The following IGSF21 variants were observed in gnomAD, a reference collection of about 807,000 sequenced individuals.
IGSF21 encodes the protein immunoglobin superfamily member 21.
A neutral mutation model predicts 46.8 loss-of-function variants in IGSF21; 28 were observed. The observed-to-expected ratio is 0.60, with a 90% CI of 0.44 to 0.82. The LOEUF is 0.82. IGSF21 is among the 40% of genes least tolerant of loss of function. The pLI is 0.00. For missense variants in IGSF21, 624 were observed against 665.5 expected (o/e 0.94, Z 0.69); for synonymous variants, 284 against 273.6 (o/e 1.04, Z -0.38).
rs567380933 is a variant in IGSF21 at position 18,262,355 on chromosome 1, C to T, written c.184-29511C>T. Among the ~76,000 whole-genome samples, 526 of 152,240 alleles carry T rather than the reference C, an allele frequency of 3.5e-3. 1 individual carries two copies. Among genetic ancestry groups the T allele is most frequent in the Non-Finnish European group, 5.7e-3 (386 of 68,008 alleles). On this transcript the variant is annotated intron_variant, in intron 2 of 9. Transcript: ENST00000251296. ...ATGGCAGCAAGTGGACACGTGAGGACGGATGGGATGAACACTGTGGCATCT... is the reference window on the plus strand; with the variant it reads ...ATGGCAGCAAGTGGACACGTGAGGATGGATGGGATGAACACTGTGGCATCT...
chr1:18,231,214 A>T (rs1377767888), intron 2 of IGSF21, among the ~76,000 whole-genome samples: 1 of 152,200 alleles, frequency 6.6e-6, no homozygotes, highest in Non-Finnish European at 1.5e-5. Context: ...CTGGTCCTAA[A>T]TACATTATCT....
intron 4 of IGSF21, among the ~76,000 whole-genome samples, chr1:18,350,552 G>A (rs1246942185): frequency 6.6e-6 from 1 of 152,174 alleles, no homozygotes. Context: ...GAACCTGAGT[G>A]ATGGGTGCAT....
intron 1 of IGSF21, among the ~76,000 whole-genome samples, chr1:18,133,499 T>A (rs1302749097): frequency 1.3e-5 from 2 of 152,250 alleles, no homozygotes; most frequent in Non-Finnish European, 2.9e-5. Flanking sequence ...TTCATGGCAT[T>A]GTCCAGTGGG....
intron 2 of IGSF21, among the ~76,000 whole-genome samples, chr1:18,247,093 C>A (rs530000715): frequency 6.7e-6 from 1 of 149,788 alleles, no homozygotes; most frequent in Non-Finnish European, 1.5e-5. Context: ...CTCTGTCGCC[C>A]AGGCTGGAGT....
At chr1:18,314,287 T>G (rs57519565) in intron 3 of IGSF21, among the ~76,000 whole-genome samples, 37,549 of 127,314 alleles carry the variant, frequency 0.29, 5,018 homozygotes, top group African/African-American at 0.34. Context: ...GCCCAGTGGT[T>G]TTTTTTTTTT....
At chr1:18,241,455 A>G (rs919191975) in intron 2 of IGSF21, among the ~76,000 whole-genome samples, 4 of 152,200 alleles carry the variant, frequency 2.6e-5, no homozygotes, top group African/African-American at 4.8e-5. Context: ...AGGTTAAGCA[A>G]CTTGCTCAAA....
At position 18,108,090 on chromosome 1, in the gene IGSF21, C is replaced by A. The variant is rs751554607; in HGVS notation, c.-39C>A. 6.9e-5 allele frequency: 74 copies of A among 1,072,982 alleles called. No individual in the cohort carries two copies. The African/African-American group carries it at 7.7e-4, about 11-fold the overall frequency. The allele number at this position is 1,072,982 out of a possible 1,614,324, so 66.5% of individuals were successfully genotyped here. A position where few individuals can be genotyped will look rare whatever the true frequency, so the allele number is the denominator to read the frequency against. On this transcript the variant is annotated 5_prime_UTR_variant, in exon 1 of 10. Coordinates refer to ENST00000251296, the MANE Select transcript of IGSF21 (RefSeq NM_032880.5). ...AGGGGACCCGCCGCCACCGCCTCCA[C>A]CCCCGCCGCCCCGCCACCGCCGCCA...
chr1:18,172,729 A>T (rs2086751295), intron 1 of IGSF21, among the ~76,000 whole-genome samples: 1 of 152,242 alleles, frequency 6.6e-6, no homozygotes, highest in South Asian at 2.1e-4. Flanking sequence ...GGGCTTCAAC[A>T]TATGAACTTG....
intron 1 of IGSF21, among the ~76,000 whole-genome samples, chr1:18,153,714 G>A (rs1182400176): frequency 1.3e-5 from 2 of 151,902 alleles, no homozygotes; most frequent in Non-Finnish European, 2.9e-5. Flanking sequence ...AGCTAGGGAT[G>A]GCAGAGGTGG....
At chr1:18,159,960 C>T (rs975575495) in intron 1 of IGSF21, among the ~76,000 whole-genome samples, 6 of 152,150 alleles carry the variant, frequency 3.9e-5, no homozygotes, top group African/African-American at 9.7e-5. Flanking sequence ...GGATTACAGG[C>T]GTGAGCCACC....
intron 1 of IGSF21, among the ~76,000 whole-genome samples, chr1:18,170,189 C>A (rs1424341265): frequency 3.3e-5 from 5 of 152,074 alleles, no homozygotes; most frequent in Non-Finnish European, 7.3e-5. Context: ...TTTGGGGGAT[C>A]CTGTGCCAGG....
chr1:18,356,808 A>T (rs2086023196), intron 4 of IGSF21, among the ~76,000 whole-genome samples: 2 of 151,882 alleles, frequency 1.3e-5, no homozygotes, highest in Non-Finnish European at 2.9e-5. Context: ...ATAGAGATTA[A>T]GTGTGGGGAC....
At chr1:18,331,210 C>T (rs2085709260) in intron 3 of IGSF21, among the ~76,000 whole-genome samples, 1 of 152,144 alleles carries the variant, frequency 6.6e-6, no homozygotes, top group South Asian at 2.1e-4. Context: ...GCGCCCATCA[C>T]CCGAGCAGTA....
rs373285478 is a variant in IGSF21 at position 18,233,481 on chromosome 1, G to A, written c.183+5471G>A. On this transcript the variant is annotated intron_variant, in intron 2 of 9. Transcript: ENST00000251296. ...ATACCTGTGTGTGAGTTTGACCTTG[G>A]GTGGTGACCTAACCTTTCAGCCTTT... is the stretch of plus-strand genomic sequence containing the variant. Among the ~76,000 whole-genome samples the A allele has an allele frequency of 7.2e-5, 11 of 152,284 alleles. No individual in the cohort carries two copies. The East Asian group carries it at 1.9e-3, about 27-fold the overall frequency.
At chr1:18,184,293 T>C (rs187576784) in intron 1 of IGSF21, among the ~76,000 whole-genome samples, 2 of 152,268 alleles carry the variant, frequency 1.3e-5, no homozygotes, top group Admixed American at 1.3e-4. Flanking sequence ...TCCTTTCTGG[T>C]TCCCCGCATC....
At chr1:18,319,214 G>GT (rs1426465865) in intron 3 of IGSF21, among the ~76,000 whole-genome samples, 8 of 152,184 alleles carry the variant, frequency 5.3e-5, no homozygotes, top group African/African-American at 1.9e-4. Context: ...TCACCTTAAA[G>GT]TTTAAGAAGG....
chr1:18,327,377 C>A (rs1315410175), intron 3 of IGSF21, among the ~76,000 whole-genome samples: 1 of 152,160 alleles, frequency 6.6e-6, no homozygotes, highest in Admixed American at 6.5e-5. Flanking sequence ...AGGTATAGGA[C>A]CAGCCGTGCC....
At position 18,355,515 on chromosome 1, in the gene IGSF21, C is replaced by T. The variant is rs1461000150; in HGVS notation, c.425-6600C>T. On this transcript the variant is annotated intron_variant, in intron 4 of 9. Transcript: ENST00000251296. ...AGTGATGGAGGTTGGCTGTGACATA[C>T]AGCTGTGTTAGATGGGAAGCCACTT... Among the ~76,000 whole-genome samples, 3 of 152,124 alleles carry T rather than the reference C, an allele frequency of 2.0e-5. No homozygotes were observed. The East Asian group carries it at 5.8e-4, about 29-fold the overall frequency.
Position 18,237,661 on chromosome 1 carries a change from G to A in IGSF21, c.183+9651G>A, listed in dbSNP as rs141965487. On this transcript the variant is annotated intron_variant, in intron 2 of 9. Coordinates refer to ENST00000251296, the MANE Select transcript of IGSF21 (RefSeq NM_032880.5). ...AGATCACCTGCTGTGTTCTCTCAGC[G>A]TTTTGTACATTCTTCAATTAGAGAG... Among the ~76,000 whole-genome samples the A allele has an allele frequency of 9.5e-4, 144 of 152,256 alleles. 1 individual carries two copies. Among genetic ancestry groups the A allele is most frequent in the East Asian group, 5.0e-3 (26 of 5,172 alleles).
Sources: gnomAD v4.1 joint callset for allele counts (sites outside exome capture counted in the v4.1 genomes callset) on GRCh38, gnomAD v4.1.1 for gene constraint, MANE v1.5 for transcripts, NCBI Gene and HGNC (gene_info 2026-07-23, HGNC 2026-07-21) for gene names.